Variants in SMOC2 observed in about 807,000 individuals in gnomAD.
The protein encoded by SMOC2 is SPARC-related modular calcium-binding protein 2.
A neutral mutation model predicts 61.4 loss-of-function variants in SMOC2; 39 were observed. The observed-to-expected ratio is 0.64, with a 90% CI of 0.49 to 0.83. The LOEUF is 0.83. Ranked by LOEUF, SMOC2 falls within the 40% of genes least tolerant of loss-of-function variation. SMOC2 has a pLI of 0.00. For synonymous variants in SMOC2, 247 were observed against 239.9 expected (o/e 1.03, Z -0.27); for missense variants, 556 against 592.9 (o/e 0.94, Z 0.65).
At chr6:168,656,736 C>G (rs1466939877) in intron 11 of SMOC2, among the ~76,000 whole-genome samples, 1 of 152,128 alleles carries the variant, frequency 6.6e-6, no homozygotes, top group Non-Finnish European at 1.5e-5. Flanking sequence ...AAGCCTAGAT[C>G]TGTGTCATGG....
At chr6:168,505,379 T>C (rs1301284893) in intron 1 of SMOC2, among the ~76,000 whole-genome samples, 11 of 142,438 alleles carry the variant, frequency 7.7e-5, no homozygotes, top group East Asian at 2.1e-4. Flanking sequence ...ATGAAATGTC[T>C]GTATCTCAGA....
intron 9 of SMOC2, among the ~76,000 whole-genome samples, chr6:168,625,003 G>A (rs555791090): frequency 5.3e-5 from 8 of 152,104 alleles, no homozygotes; most frequent in Non-Finnish European, 8.8e-5. Context: ...CACCATCTGG[G>A]TCAGATTGGA....
chr6:168,646,148 C>T (rs541628734), intron 9 of SMOC2, among the ~76,000 whole-genome samples: 2 of 152,284 alleles, frequency 1.3e-5, no homozygotes, highest in Admixed American at 6.5e-5. Context: ...TCTCATTATC[C>T]CCAGACACTT....
intron 6 of SMOC2, among the ~76,000 whole-genome samples, chr6:168,547,703 G>C (rs1413726106): frequency 6.6e-6 from 1 of 151,998 alleles, no homozygotes; most frequent in African/African-American, 2.4e-5. Context: ...GGGTAAATGT[G>C]TATCTAAACA....
chr6:168,598,731 G>A (rs1583145844), intron 7 of SMOC2, 87 bp from the exon 8 acceptor site: 3 of 1,454,662 alleles, frequency 2.1e-6, no homozygotes, highest in South Asian at 2.5e-5. Context: ...CATCGTTCTT[G>A]GCAGTTCTCT....
At chr6:168,556,073 G>A (rs1370078920) in intron 7 of SMOC2, among the ~76,000 whole-genome samples, 3 of 152,140 alleles carry the variant, frequency 2.0e-5, no homozygotes, top group African/African-American at 4.8e-5. Flanking sequence ...CCGAGGCGTC[G>A]TCTTCACTGT....
chr6:168,608,339 G>T, intron 9 of SMOC2, 100 bp downstream of exon 9: 1 of 1,344,416 alleles, frequency 7.4e-7, no homozygotes, highest in South Asian at 1.3e-5. Flanking sequence ...CTGTTTCCCA[G>T]GGGGCCTGTC....
chr6:168,510,756 G>T (rs1782988008), intron 2 of SMOC2, among the ~76,000 whole-genome samples: 1 of 152,164 alleles, frequency 6.6e-6, no homozygotes, highest in African/African-American at 2.4e-5. Context: ...AACCAGCACT[G>T]AGTGCAGTGT....
intron 1 of SMOC2, among the ~76,000 whole-genome samples, chr6:168,461,449 A>G (rs894282884): frequency 2.0e-5 from 3 of 152,184 alleles, no homozygotes; most frequent in African/African-American, 4.8e-5. Flanking sequence ...TTTTGTTACA[A>G]ATTTTTAGAG....
At position 168,490,403 on chromosome 6, in the gene SMOC2, C is replaced by T. The variant is rs117552744; in HGVS notation, c.85-19512C>T. ...TATTTTCTTGTGTCTCGTCAAGGCG[C>T]GCAGCATACAAGGCATTGTCACACC... On this transcript the variant is annotated intron_variant, in intron 1 of 12. Transcript: ENST00000356284. Among the ~76,000 whole-genome samples the T allele has an allele frequency of 2.4e-3, 372 of 152,270 alleles. 9 individuals carry two copies. In the East Asian group the frequency reaches 0.044, roughly 18 times the overall value.
intron 5 of SMOC2, 135 bp from the exon 6 acceptor site, chr6:168,546,984 G>A: frequency 9.9e-7 from 1 of 1,007,756 alleles, no homozygotes; most frequent in African/African-American, 1.6e-5. Flanking sequence ...ATCGCGTTGG[G>A]TCTGTGTGGG....
chr6:168,506,979 TAAAC>T (rs1216169991), intron 1 of SMOC2, among the ~76,000 whole-genome samples: 1 of 152,244 alleles, frequency 6.6e-6, no homozygotes, highest in African/African-American at 2.4e-5. Context: ...TAATTGCTAT[TAAAC>T]AGGAGGAAGG....
chr6:168,519,598 A>T (rs988123918), intron 2 of SMOC2, among the ~76,000 whole-genome samples: 2 of 152,138 alleles, frequency 1.3e-5, no homozygotes, highest in African/African-American at 4.8e-5. Flanking sequence ...AACATCGCAC[A>T]TCCAAAGGGC....
intron 2 of SMOC2, among the ~76,000 whole-genome samples, chr6:168,521,538 C>T (rs1000565047): frequency 1.4e-4 from 22 of 152,184 alleles, no homozygotes; most frequent in African/African-American, 4.6e-4. Context: ...TATCATCCAA[C>T]AGGTAGAAAT....
At chr6:168,656,353 A>G (rs1787321702) in intron 11 of SMOC2, among the ~76,000 whole-genome samples, 2 of 151,902 alleles carry the variant, frequency 1.3e-5, no homozygotes, top group African/African-American at 4.8e-5. Context: ...TCTACTAAAA[A>G]TATAAAAATT....
chr6:168,653,857 G>C (rs1292194682), intron 11 of SMOC2, among the ~76,000 whole-genome samples: 3 of 125,066 alleles, frequency 2.4e-5, no homozygotes, highest in East Asian at 5.6e-4. Flanking sequence ...CACCAACCCT[G>C]CACCTGAGCT....
In SMOC2 at chr6:168,445,909, G is replaced by A. The variant is rs764099294; in HGVS notation, c.84+4455G>A. 2.0e-5 allele frequency among the ~76,000 whole-genome samples: 3 copies of A among 152,312 alleles called. 1 individual carries two copies. Among genetic ancestry groups the A allele is most frequent in the South Asian group, 2.1e-4 (1 of 4,824 alleles). ...TGCAGCCAATGGGCATGGATGTAAC[G>A]TCAGTTGCAATGGCTCAGAACCGAA... On this transcript the variant is annotated intron_variant, in intron 1 of 12. Coordinates refer to ENST00000356284, the MANE Select transcript of SMOC2 (RefSeq NM_001166412.2).
chr6:168,665,387 G>A (rs768575235), intron 12 of SMOC2, among the ~76,000 whole-genome samples: 3 of 152,374 alleles, frequency 2.0e-5, no homozygotes, highest in South Asian at 4.1e-4. Context: ...AGCCAGCTGC[G>A]GCTCCTACCG....
chr6:168,614,653 A>T (rs879749373), intron 9 of SMOC2, among the ~76,000 whole-genome samples: 115 of 32,738 alleles, frequency 3.5e-3, no homozygotes, highest in East Asian at 5.9e-3. Context: ...ACCTACAGCC[A>T]GCACAGGGCC....
Sources: allele counts gnomAD v4.1 joint callset (sites outside exome capture counted in the v4.1 genomes callset), GRCh38; gene constraint gnomAD v4.1.1; transcripts MANE v1.5; gene names NCBI Gene and HGNC (gene_info 2026-07-23, HGNC 2026-07-21).